The following CDKN2B-AS1 variants were observed in gnomAD, a reference collection of about 807,000 sequenced individuals.
The protein encoded by CDKN2B-AS1 is CDKN2B antisense RNA 1 (non-protein coding).
At chr9:22,009,106 C>A in intron 1 of CDKN2B-AS1, 3 of 1,209,232 alleles carry the variant, frequency 2.5e-6, no homozygotes, top group Non-Finnish European at 3.5e-6. Flanking sequence ...CGTCCTTCTG[C>A]GGCTTGGGGC....
chr9:21,996,730 C>T lies in CDKN2B-AS1; in HGVS notation n.29+1569C>T, dbSNP rs955183269. Among the ~76,000 whole-genome samples, 6 of 152,110 alleles carry T rather than the reference C, an allele frequency of 3.9e-5. No homozygotes were observed. The highest frequency in any genetic ancestry group is 2.1e-4 in the South Asian group (1 of 4,818). Reference sequence around the variant, plus strand: ...GTAGGGGGGCATTAGGTTTTCTGTCCCACAGAGGAAGGGCGCTTTAGAAAG... The same window carrying T: ...GTAGGGGGGCATTAGGTTTTCTGTCTCACAGAGGAAGGGCGCTTTAGAAAG... On this transcript the variant is annotated intron_variant and non_coding_transcript_variant, in intron 1 of 4. Transcript: ENST00000650946. The surrounding 1 kb of genome is among the most constrained non-coding windows in gnomAD (Gnocchi z 5.4).
chr9:22,077,450 C>T (rs1341101499), intron 4 of CDKN2B-AS1, among the ~76,000 whole-genome samples: 1 of 152,080 alleles, frequency 6.6e-6, no homozygotes, highest in Non-Finnish European at 1.5e-5. Flanking sequence ...ATCCAAGTTG[C>T]TCTCAACATA....
intron 1 of CDKN2B-AS1, among the ~76,000 whole-genome samples, chr9:22,017,966 C>A (rs1270059953): frequency 6.6e-6 from 1 of 152,122 alleles, no homozygotes; most frequent in East Asian, 1.9e-4. Context: ...ATGTTAGAAT[C>A]TAGTGCATTT....
intron 3 of CDKN2B-AS1, among the ~76,000 whole-genome samples, chr9:22,049,545 C>A (rs1342858076): frequency 6.6e-6 from 1 of 152,154 alleles, no homozygotes; most frequent in East Asian, 1.9e-4. Context: ...AGGGGCCCCA[C>A]AGGGACTGGC....
intron 4 of CDKN2B-AS1, among the ~76,000 whole-genome samples, chr9:22,111,440 A>G (rs925818432): frequency 2.0e-4 from 30 of 152,202 alleles, no homozygotes; most frequent in African/African-American, 7.2e-4. Context: ...TTTTTAAAAA[A>G]TCACCCAAAG....
chr9:22,076,663 T>C (rs1824503599), intron 4 of CDKN2B-AS1, among the ~76,000 whole-genome samples: 1 of 152,090 alleles, frequency 6.6e-6, no homozygotes, highest in Non-Finnish European at 1.5e-5. Flanking sequence ...TTAGCAAAAA[T>C]CCTGAACGCA....
exon 2 of CDKN2B-AS1, chr9:22,046,808 A>G (rs1463757430): frequency 6.6e-6 from 1 of 152,160 alleles, no homozygotes; most frequent in Non-Finnish European, 1.5e-5. Flanking sequence ...AGATCAAAGA[A>G]AAGACTTCTG....
At position 22,001,433 on chromosome 9, in the gene CDKN2B-AS1, A is replaced by G. The variant is rs1314645985; in HGVS notation, n.29+6272A>G. On this transcript the variant is annotated intron_variant and non_coding_transcript_variant, in intron 1 of 4. Transcript: ENST00000650946. The surrounding 1 kb of genome is among the most constrained non-coding windows in gnomAD (Gnocchi z 4.2). ...GGTAGTCAGTGTGTCATCTTAATAC[A>G]TTGTTCTTAGTTCTTTTTCCAGCAA... Among the ~76,000 whole-genome samples the G allele has an allele frequency of 6.6e-6, 1 of 152,090 alleles. No homozygotes were observed. Among genetic ancestry groups the G allele is most frequent in the African/African-American group, 2.4e-5 (1 of 41,426 alleles).
chr9:22,005,959 T>C lies in CDKN2B-AS1; in HGVS notation n.29+10798T>C, dbSNP rs1821153536. 1 of 1,597,996 alleles carries C rather than the reference T, an allele frequency of 6.3e-7. No individual in the cohort carries two copies. Among genetic ancestry groups the C allele is most frequent in the South Asian group, 1.1e-5 (1 of 90,656 alleles). ...TGGGAAATTGGGTAAGAAAATAAAG[T>C]CGTTGTGGGCGGCTGGGGAACCTGG... On this transcript the variant is annotated intron_variant and non_coding_transcript_variant, in intron 1 of 4. Transcript: ENST00000650946. This position sits in a 1 kb window ranked among gnomAD's most constrained non-coding sequence, Gnocchi z 4.9.
chr9:22,111,904 C>T (rs1825814397), intron 4 of CDKN2B-AS1, among the ~76,000 whole-genome samples: 1 of 152,090 alleles, frequency 6.6e-6, no homozygotes, highest in Admixed American at 6.6e-5. Context: ...CAAAACAACC[C>T]AGTAACTATG....
intron 4 of CDKN2B-AS1, among the ~76,000 whole-genome samples, chr9:22,073,183 A>G (rs1481489394): frequency 6.6e-6 from 1 of 152,214 alleles, no homozygotes; most frequent in Non-Finnish European, 1.5e-5. Flanking sequence ...CTAATGTTTC[A>G]GGCTAAAGAG....
At chr9:22,008,789 C>A (rs371777152) in intron 1 of CDKN2B-AS1, 1 of 1,606,878 alleles carries the variant, frequency 6.2e-7, no homozygotes, top group Non-Finnish European at 8.5e-7. Flanking sequence ...GCCCTGGGGC[C>A]CCAGCTACCT....
At chr9:22,021,757 T>A (rs181354563) in intron 1 of CDKN2B-AS1, among the ~76,000 whole-genome samples, 243 of 152,252 alleles carry the variant, frequency 1.6e-3, no homozygotes, top group Middle Eastern at 3.4e-3. Context: ...TTTGACTTCC[T>A]CTCTTCTTAT....
intron 4 of CDKN2B-AS1, among the ~76,000 whole-genome samples, chr9:22,110,174 A>G (rs1240871353): frequency 6.6e-6 from 1 of 152,170 alleles, no homozygotes; most frequent in Admixed American, 6.6e-5. Context: ...CTCTTCTAAG[A>G]TATAGTTACT....
intron 4 of CDKN2B-AS1, among the ~76,000 whole-genome samples, chr9:22,106,307 T>C (rs1159773197): frequency 6.6e-6 from 1 of 152,080 alleles, no homozygotes; most frequent in South Asian, 2.1e-4. Flanking sequence ...GGTCTCAAAC[T>C]CTTGACCTCA....
chr9:22,072,757 A>T (rs973403835), intron 4 of CDKN2B-AS1, among the ~76,000 whole-genome samples: 11 of 152,238 alleles, frequency 7.2e-5, no homozygotes, highest in Admixed American at 5.9e-4. Flanking sequence ...CAGTGTGAAG[A>T]TGCACCACAG....
At chr9:22,069,421 G>A (rs942018393) in intron 4 of CDKN2B-AS1, among the ~76,000 whole-genome samples, 1 of 152,076 alleles carries the variant, frequency 6.6e-6, no homozygotes, top group African/African-American at 2.4e-5. Context: ...TCTATTAAAA[G>A]TATTTCATTA....
At chr9:22,018,514 G>T (rs1043595388) in intron 1 of CDKN2B-AS1, among the ~76,000 whole-genome samples, 1 of 152,012 alleles carries the variant, frequency 6.6e-6, no homozygotes, top group Non-Finnish European at 1.5e-5. Flanking sequence ...AAAATTAGCT[G>T]GGCTTGGTGG....
chr9:22,091,534 G>C (rs1825084263), intron 4 of CDKN2B-AS1, among the ~76,000 whole-genome samples: 1 of 152,062 alleles, frequency 6.6e-6, no homozygotes, highest in South Asian at 2.1e-4. Context: ...CCTTGAAGAG[G>C]TCCTTCACAT....
Sources: allele counts gnomAD v4.1 joint callset (sites outside exome capture counted in the v4.1 genomes callset), GRCh38; gene constraint gnomAD v4.1.1; non-coding constraint Gnocchi (gnomAD v3.1); transcripts MANE v1.5; gene names NCBI Gene and HGNC (gene_info 2026-07-23, HGNC 2026-07-21).